The following SUGCT variants were observed in gnomAD, a reference collection of about 807,000 sequenced individuals.
The protein encoded by SUGCT is succinyl-CoA:glutarate-CoA transferase, also known as succinyl-CoA:glutarate CoA-transferase.
In SUGCT, 41 loss-of-function variants were observed where a neutral mutation model predicts 55.0. The observed-to-expected ratio is 0.74, with a 90% CI of 0.58 to 0.97. The LOEUF is 0.97. Ranked by LOEUF, SUGCT falls within the 50% of genes least tolerant of loss-of-function variation. The probability of loss-of-function intolerance (pLI) is 0.00; values close to 1 mark genes in which losing one functional copy is unlikely to be tolerated. For synonymous variants in SUGCT, 187 were observed against 200.4 expected (o/e 0.93, Z 0.56); for missense variants, 568 against 547.8 (o/e 1.04, Z -0.37).
chr7:40,988,344 A>T, the SUGCT span, among the ~76,000 whole-genome samples: 5,362 of 150,884 alleles, frequency 0.036, 121 homozygotes, highest in South Asian at 0.069. Flanking sequence ...AGCTCCAGGG[A>T]AAGGAAGTTG....
intron 13 of SUGCT, among the ~76,000 whole-genome samples, chr7:40,793,770 G>A (rs1021382551): frequency 1.3e-5 from 2 of 152,006 alleles, no homozygotes; most frequent in African/African-American, 4.8e-5. Flanking sequence ...CCAGTTAGCT[G>A]TATGTTAACC....
the SUGCT span, among the ~76,000 whole-genome samples, chr7:40,901,197 G>T: frequency 6.6e-6 from 1 of 152,220 alleles, no homozygotes; most frequent in African/African-American, 2.4e-5. Context: ...AAAGGATTGG[G>T]AAAGTGGCCC....
intron 8 of SUGCT, among the ~76,000 whole-genome samples, chr7:40,311,500 T>C (rs1795149649): frequency 6.6e-6 from 1 of 152,254 alleles, no homozygotes; most frequent in Admixed American, 6.5e-5. Context: ...TGGCATGCTG[T>C]GGCCTCTGTC....
intron 8 of SUGCT, among the ~76,000 whole-genome samples, chr7:40,307,620 T>A (rs56065111): frequency 0.054 from 8,299 of 152,298 alleles, 328 homozygotes; most frequent in Non-Finnish European, 0.084. Context: ...GTAATTCATG[T>A]AAATGAGATA....
chr7:40,878,201 A>G, the SUGCT span, among the ~76,000 whole-genome samples: 2 of 152,258 alleles, frequency 1.3e-5, no homozygotes, highest in African/African-American at 2.4e-5. Flanking sequence ...CTCTTGTTTT[A>G]TGAACATTAT....
At chr7:40,686,123 T>TCA (rs763333649) in intron 12 of SUGCT, among the ~76,000 whole-genome samples, 508 of 152,304 alleles carry the variant, frequency 3.3e-3, no homozygotes, top group Non-Finnish European at 5.4e-3. Context: ...GTGGTACAGT[T>TCA]GGTTATACTT....
intron 9 of SUGCT, among the ~76,000 whole-genome samples, chr7:40,343,578 A>C (rs1268166554): frequency 6.6e-6 from 1 of 151,880 alleles, no homozygotes; most frequent in Non-Finnish European, 1.5e-5. Flanking sequence ...ACTTGAAAAC[A>C]ATTATTTTTT....
intron 12 of SUGCT, among the ~76,000 whole-genome samples, chr7:40,552,981 A>T (rs1334989536): frequency 3.3e-5 from 5 of 152,158 alleles, no homozygotes; most frequent in African/African-American, 1.2e-4. Context: ...CCATTCTCCT[A>T]AAGAATGGGA....
chr7:40,489,885 T>C (rs908543267), intron 11 of SUGCT, among the ~76,000 whole-genome samples: 7 of 152,216 alleles, frequency 4.6e-5, no homozygotes, highest in Non-Finnish European at 8.8e-5. Context: ...TGTGTTTTGA[T>C]GCCTGTGAAT....
intron 12 of SUGCT, chr7:40,684,044 G>C: frequency 6.2e-7 from 1 of 1,612,254 alleles, no homozygotes; most frequent in Non-Finnish European, 8.5e-7. Context: ...TTTCTTTGCT[G>C]GTTGTCAATA....
At chr7:40,854,466 T>TTC (rs1563050843) in intron 13 of SUGCT, among the ~76,000 whole-genome samples, 3 of 144,566 alleles carry the variant, frequency 2.1e-5, no homozygotes, top group African/African-American at 7.9e-5. Flanking sequence ...CTTTCTTTCT[T>TTC]TCTTTCTTTC....
rs1047635359 is a variant in SUGCT, at chr7:40,257,036, G to A, written c.577-17477G>A. Among the ~76,000 whole-genome samples the A allele has an allele frequency of 3.3e-5, 5 of 151,762 alleles. No individual in the cohort carries two copies. The South Asian group carries it at 8.3e-4, about 25-fold the overall frequency. ...TGGGATTATAGGAATGAGCCACTGC[G>A]CCCAGCCTATTTTTATTTTTATTTT... On this transcript the variant is annotated intron_variant, in intron 7 of 13. Coordinates refer to ENST00000335693, the MANE Select transcript of SUGCT (RefSeq NM_001193313.2).
chr7:40,664,582 A>T (rs530942923), intron 12 of SUGCT, among the ~76,000 whole-genome samples: 1 of 152,324 alleles, frequency 6.6e-6, no homozygotes, highest in Non-Finnish European at 1.5e-5. Context: ...ATGTAACTGA[A>T]ACAAAGTCCT....
At chr7:40,314,912 GAA>G (rs1795348492) in intron 8 of SUGCT, among the ~76,000 whole-genome samples, 1 of 152,138 alleles carries the variant, frequency 6.6e-6, no homozygotes, top group African/African-American at 2.4e-5. Flanking sequence ...AATAGAGCCC[GAA>G]GTGTATACCA....
intron 9 of SUGCT, among the ~76,000 whole-genome samples, chr7:40,338,880 A>T (rs1186617853): frequency 1.3e-5 from 2 of 152,010 alleles, no homozygotes; most frequent in Admixed American, 6.5e-5. Context: ...TTGTGGTTTT[A>T]TCTACCTTTG....
intron 7 of SUGCT, among the ~76,000 whole-genome samples, chr7:40,261,632 A>G (rs1791229553): frequency 6.6e-6 from 1 of 152,218 alleles, no homozygotes; most frequent in Admixed American, 6.5e-5. Flanking sequence ...GAGAGGTATG[A>G]GCATCTCTCC....
At chr7:40,601,564 T>C (rs1798287407) in intron 12 of SUGCT, among the ~76,000 whole-genome samples, 1 of 152,112 alleles carries the variant, frequency 6.6e-6, no homozygotes, top group Non-Finnish European at 1.5e-5. Flanking sequence ...TGATGTGGAG[T>C]ATCACAGGAA....
intron 12 of SUGCT, among the ~76,000 whole-genome samples, chr7:40,641,337 T>C (rs1225889273): frequency 2.0e-5 from 3 of 152,130 alleles, no homozygotes; most frequent in Non-Finnish European, 4.4e-5. Context: ...TGGAACATTA[T>C]CGAAAAAATA....
At chr7:40,373,851 T>C (rs995349145) in intron 9 of SUGCT, among the ~76,000 whole-genome samples, 1 of 152,156 alleles carries the variant, frequency 6.6e-6, no homozygotes, top group African/African-American at 2.4e-5. Context: ...AAATGCTTTA[T>C]AGTAAAAAAG....
Sources: allele counts gnomAD v4.1 joint callset (sites outside exome capture counted in the v4.1 genomes callset), GRCh38; gene constraint gnomAD v4.1.1; transcripts MANE v1.5; gene names NCBI Gene and HGNC (gene_info 2026-07-23, HGNC 2026-07-21).